HHAT: variants seen among roughly 807,000 people sequenced by gnomAD.
The protein encoded by HHAT is protein-cysteine N-palmitoyltransferase HHAT.
In HHAT, 47 loss-of-function variants were observed where a neutral mutation model predicts 70.8. The observed-to-expected ratio is 0.66, with a 90% confidence interval of 0.53 to 0.85. The LOEUF (loss-of-function observed/expected upper bound fraction) is 0.85. Among genes scored for constraint, HHAT ranks in the 40% least tolerant of loss-of-function variants. The pLI, the probability that HHAT is intolerant of heterozygous loss-of-function variation, is 0.00. For synonymous variants in HHAT, 228 were observed against 247.6 expected, an observed-to-expected ratio of 0.92 and a Z score of 0.74; for missense variants, 609 against 604.8, an observed-to-expected ratio of 1.01 and a Z score of -0.07.
At chr1:210,611,577 T>C (rs1434446296) in intron 10 of HHAT, among the ~76,000 whole-genome samples, 1 of 152,142 alleles carries the variant, frequency 6.6e-6, no homozygotes, top group East Asian at 1.9e-4. Flanking sequence ...CATCCTTGTC[T>C]AGTGCTGGTT....
chr1:210,354,389 A>G (rs1251857650), intron 2 of HHAT, among the ~76,000 whole-genome samples: 1 of 151,620 alleles, frequency 6.6e-6, no homozygotes, highest in Non-Finnish European at 1.5e-5. Context: ...ATTTTTAGTA[A>G]AGACAGGGTT....
chr1:210,407,845 G>T (rs80191815), intron 6 of HHAT, among the ~76,000 whole-genome samples: 5,103 of 152,238 alleles, frequency 0.034, 93 homozygotes, highest in South Asian at 0.077. Flanking sequence ...GACTGGTGTG[G>T]TGTGGGCACT....
intron 9 of HHAT, among the ~76,000 whole-genome samples, chr1:210,562,134 A>AC (rs1437720501): frequency 1.3e-5 from 2 of 152,176 alleles, no homozygotes; most frequent in East Asian, 1.9e-4. Context: ...CATTCAATAA[A>AC]CCAGCTCAGT....
chr1:210,542,127 T>G (rs1486102122), intron 9 of HHAT, among the ~76,000 whole-genome samples: 1 of 152,158 alleles, frequency 6.6e-6, no homozygotes, highest in Non-Finnish European at 1.5e-5. Context: ...GAAAGTGAAA[T>G]TCAAACTGTT....
chr1:210,588,303 G>A (rs932793436), intron 10 of HHAT: 11 of 511,276 alleles, frequency 2.2e-5, no homozygotes, highest in African/African-American at 7.6e-5. Context: ...GTGTGTGTGT[G>A]TATATATAAC....
At chr1:210,663,920 C>A (rs1019562352) in intron 11 of HHAT, among the ~76,000 whole-genome samples, 1 of 152,138 alleles carries the variant, frequency 6.6e-6, no homozygotes. Context: ...CCTGAGAGGA[C>A]GTGAAAGTGA....
At chr1:210,386,230 C>CTTTCTTTCTTTTTTTTTT (rs1324452281) in intron 3 of HHAT, among the ~76,000 whole-genome samples, 1 of 69,922 alleles carries the variant, frequency 1.4e-5, no homozygotes, top group Non-Finnish European at 2.6e-5. Context: ...TTCTTTTTTT[C>CTTTCTTTCTTTTTTTTTT]TTTTTTTTTT....
chr1:210,660,780 T>A (rs903389876), intron 11 of HHAT, among the ~76,000 whole-genome samples: 3 of 152,298 alleles, frequency 2.0e-5, no homozygotes, highest in Admixed American at 2.0e-4. Flanking sequence ...AACCATCTGA[T>A]GTTTGACAAA....
intron 10 of HHAT, among the ~76,000 whole-genome samples, chr1:210,620,734 C>T (rs2148867575): frequency 6.6e-6 from 1 of 152,218 alleles, no homozygotes; most frequent in South Asian, 2.1e-4. Flanking sequence ...ACAGGCTGTG[C>T]TTTAACATTC....
intron 11 of HHAT, among the ~76,000 whole-genome samples, chr1:210,650,504 C>CT (rs1375659696): frequency 6.6e-6 from 1 of 152,134 alleles, no homozygotes; most frequent in East Asian, 1.9e-4. Context: ...AAGGGTTGAA[C>CT]TATAGGTGCA....
intron 7 of HHAT, among the ~76,000 whole-genome samples, chr1:210,437,009 T>C (rs944481354): frequency 5.3e-5 from 8 of 151,852 alleles, no homozygotes; most frequent in Non-Finnish European, 1.2e-4. Context: ...GAAGAAGATA[T>C]CTTAGGAGTA....
At chr1:210,424,381 T>C (rs2092995290) in intron 7 of HHAT, among the ~76,000 whole-genome samples, 1 of 152,124 alleles carries the variant, frequency 6.6e-6, no homozygotes, top group South Asian at 2.1e-4. Context: ...GCAACTTTAC[T>C]GGATTTGTTT....
chr1:210,343,307 A>G (rs927876915), intron 1 of HHAT, among the ~76,000 whole-genome samples: 1 of 152,182 alleles, frequency 6.6e-6, no homozygotes, highest in Non-Finnish European at 1.5e-5. Context: ...CCCTAGAAGC[A>G]GGGAGCTCTC....
At chr1:210,428,820 T>C (rs2093156530) in intron 7 of HHAT, among the ~76,000 whole-genome samples, 1 of 150,964 alleles carries the variant, frequency 6.6e-6, no homozygotes, top group Non-Finnish European at 1.5e-5. Flanking sequence ...CTACAGAAAA[T>C]ACAAAAATTA....
chr1:210,569,120 TCCC>T (rs1655492831), intron 9 of HHAT, among the ~76,000 whole-genome samples: 1 of 152,172 alleles, frequency 6.6e-6, no homozygotes, highest in South Asian at 2.1e-4. Context: ...ATGCCTGTAA[TCCC>T]ATCACTTTGG....
intron 6 of HHAT, among the ~76,000 whole-genome samples, chr1:210,413,410 T>C (rs1483072205): frequency 6.6e-6 from 1 of 152,210 alleles, no homozygotes; most frequent in Non-Finnish European, 1.5e-5. Flanking sequence ...TGAACAGGCT[T>C]TCTCATTCTT....
chr1:210,573,335 C>T (rs901881744), intron 9 of HHAT, among the ~76,000 whole-genome samples: 4 of 152,134 alleles, frequency 2.6e-5, no homozygotes, highest in Non-Finnish European at 5.9e-5. Flanking sequence ...TTTCAAGGGT[C>T]CTGACCCCAC....
Position 210,428,855 on chromosome 1 carries a change from A to G in HHAT, c.856+10530A>G, listed in dbSNP as rs1351300673. Among the ~76,000 whole-genome samples, 9 of 151,550 alleles carry G rather than the reference A, an allele frequency of 5.9e-5. No individual in the cohort carries two copies. The South Asian group carries it at 1.7e-3, about 28-fold the overall frequency. ...AGCCAGGGTGGTAGTGCGTGCCAGT[A>G]GTGCCAGCTACTCAGGAGGCTGAGA... On this transcript the variant is annotated intron_variant, in intron 7 of 11. Transcript: ENST00000261458.
intron 6 of HHAT, among the ~76,000 whole-genome samples, chr1:210,406,906 T>C (rs1314030848): frequency 6.6e-6 from 1 of 152,108 alleles, no homozygotes; most frequent in East Asian, 1.9e-4. Context: ...TTTCCTTCCC[T>C]CTCTCTCTCT....
Sources: allele counts gnomAD v4.1 joint callset (sites outside exome capture counted in the v4.1 genomes callset), GRCh38; gene constraint gnomAD v4.1.1; transcripts MANE v1.5; gene names NCBI Gene and HGNC (gene_info 2026-07-23, HGNC 2026-07-21).